Variants in LRP2BP observed in about 807,000 individuals in gnomAD.
The protein encoded by LRP2BP is LRP2 binding protein, also known as LRP2-binding protein.
In LRP2BP, 38 loss-of-function variants were observed where a neutral mutation model predicts 45.2. That is an observed-to-expected ratio of 0.84 (90% CI 0.65 to 1.10). LRP2BP has a LOEUF of 1.10. Among genes scored for constraint, LRP2BP ranks in the 50% least tolerant of loss-of-function variants. LRP2BP has a pLI of 0.00. For missense variants in LRP2BP, 385 were observed against 418.9 expected, an observed-to-expected ratio of 0.92 and a Z score of 0.71; for synonymous variants, 153 against 153.9, an observed-to-expected ratio of 0.99 and a Z score of 0.04.
chr4:185,389,129 T>G (rs1043072990), intron 1 of LRP2BP, among the ~76,000 whole-genome samples: 11 of 152,062 alleles, frequency 7.2e-5, no homozygotes, highest in Non-Finnish European at 1.5e-4. Flanking sequence ...CCACCCCACC[T>G]TGGCCTCCCA....
rs2095426671 is a variant in LRP2BP, at chr4:185,374,501, T to C, written c.331-40A>G. 10 of 1,599,298 alleles carry C rather than the reference T, an allele frequency of 6.3e-6. No homozygotes were observed. The East Asian group carries it at 2.0e-4, about 32-fold the overall frequency. On this transcript the variant is annotated intron_variant, in intron 4 of 8. Coordinates refer to ENST00000505916, the MANE Select transcript of LRP2BP (RefSeq NM_001377440.1). Reference sequence around the variant, plus strand: ...AGAGCAAAAAAACCCTAGTTTTTAGTTTTACCCAAACTGAATTTCTTTCTC... The same window carrying C: ...AGAGCAAAAAAACCCTAGTTTTTAGCTTTACCCAAACTGAATTTCTTTCTC...
intron 1 of LRP2BP, among the ~76,000 whole-genome samples, chr4:185,382,157 G>A (rs2095457665): frequency 6.6e-6 from 1 of 152,046 alleles, no homozygotes; most frequent in South Asian, 2.1e-4. Flanking sequence ...CTTTCACTTA[G>A]CATAATGTTT....
Position 185,373,029 on chromosome 4 carries a change from C to G in LRP2BP, c.630G>C (p.Gln210His), listed in dbSNP as rs777401952. 7.6e-5 allele frequency: 122 copies of G among 1,612,614 alleles called. No individual in the cohort carries two copies. Among genetic ancestry groups the G allele is most frequent in the Non-Finnish European group, 1.0e-4 (120 of 1,178,672 alleles). Reference sequence around the variant, plus strand: ...ACAAGTACATGAGCCCAAGTGCACCCTGGGACTCCAGATTCCCATTGCCAC... The same window carrying G: ...ACAAGTACATGAGCCCAAGTGCACCGTGGGACTCCAGATTCCCATTGCCAC... ...EACGNGNLES[Q>H]GALGLMYLYG... The change falls in exon 7 of 9, where the codon CAG (glutamine) becomes CAC (histidine). Residue 210 changes from glutamine (Q) to histidine (H), a missense_variant. Coordinates refer to ENST00000505916, the MANE Select transcript of LRP2BP (RefSeq NM_001377440.1).
Position 185,370,646 on chromosome 4 carries a change from A to T in LRP2BP, c.972T>A (p.Tyr324Ter), listed in dbSNP as rs767797257. 1.9e-6 allele frequency: 3 copies of T among 1,613,918 alleles called. No homozygotes were observed. The highest frequency in any genetic ancestry group is 4.5e-5 in the East Asian group (2 of 44,866). ...TRDETTAKHY[Y>*]SKACRLNPAL... ...ATTTTGTTCTAAAGCTTACTTTAGA[A>T]TAATAGTGTTTAGCGGTTGTTTCAT... Residue 324 changes from tyrosine to a stop codon, truncating the protein, a stop_gained, in exon 8 of 9, where the codon TAT becomes TAA. Coordinates refer to ENST00000505916, the MANE Select transcript of LRP2BP (RefSeq NM_001377440.1). LOFTEE classifies it high-confidence loss of function.
chr4:185,395,505 G>C lies in LRP2BP; in HGVS notation c.-748C>G, dbSNP rs1380861504. 4 of 985,048 alleles carry C rather than the reference G, an allele frequency of 4.1e-6. No homozygotes were observed. The highest frequency in any genetic ancestry group is 4.8e-6 in the Non-Finnish European group (4 of 829,714). 61.0% of individuals were successfully genotyped at this position (985,048 alleles called of 1,614,324 possible). ...TGCTCACCTCACAAATCTGACAACA[G>C]TATCTCTACACTGCCGTTCTTTAAA... On this transcript the variant is annotated 5_prime_UTR_variant, in exon 1 of 9. Coordinates refer to ENST00000505916, the MANE Select transcript of LRP2BP (RefSeq NM_001377440.1).
At chr4:185,397,222 C>T (rs769368881), upstream of LRP2BP, 6 of 1,614,150 alleles carry the variant, frequency 3.7e-6, no homozygotes, top group East Asian at 8.9e-5. Context: ...CAAGCAGTCG[C>T]CTGTCCACTT....
upstream of LRP2BP, chr4:185,397,140 C>A (rs772772775): frequency 3.7e-6 from 6 of 1,613,128 alleles, no homozygotes; most frequent in Non-Finnish European, 3.4e-6. Flanking sequence ...GATCTGTTCT[C>A]TTCCTGCAGG....
At chr4:185,395,920 AGTCTAGGGAGC>A in exon 1 of LRP2BP, 1 of 985,208 alleles carries the variant, frequency 1.0e-6, no homozygotes, top group Non-Finnish European at 1.2e-6. Context: ...GCTTAGGGAG[AGTCTAGGGAGC>A]AGCTCTGACG....
In LRP2BP at chr4:185,375,711, C is replaced by G. The variant is rs1244996917; in HGVS notation, c.232G>C (p.Ala78Pro). 1 of 1,606,344 alleles carries G rather than the reference C, an allele frequency of 6.2e-7. No homozygotes were observed. The highest frequency in any genetic ancestry group is 1.1e-5 in the South Asian group (1 of 90,702). Residue 78 changes from alanine to proline, a missense_variant, in exon 4 of 9, where the codon GCA (alanine) becomes CCA (proline). Transcript: ENST00000505916. Reference sequence around the variant, plus strand: ...TTGATTTCTTCAAACTGTTCTAATGCTTCTTCATACCATCCCTAGAAGCAC... The same window carrying G: ...TTGATTTCTTCAAACTGTTCTAATGGTTCTTCATACCATCCCTAGAAGCAC... Reference protein sequence around the residue: ...LYFEEGWYEEALEQFEEIKEK... With the variant: ...LYFEEGWYEEPLEQFEEIKEK...
chr4:185,372,488 A>G (rs1017861203), intron 7 of LRP2BP, among the ~76,000 whole-genome samples: 1 of 152,258 alleles, frequency 6.6e-6, no homozygotes, highest in Non-Finnish European at 1.5e-5. Context: ...AGGATTTGGC[A>G]TAGAACATGT....
chr4:185,387,050 A>C (rs1580008180), intron 1 of LRP2BP, among the ~76,000 whole-genome samples: 1 of 152,328 alleles, frequency 6.6e-6, no homozygotes, highest in East Asian at 1.9e-4. Context: ...GTTCGAGACC[A>C]GCCTGGCCAA....
intron 1 of LRP2BP, among the ~76,000 whole-genome samples, chr4:185,393,194 G>A (rs1182557235): frequency 6.6e-6 from 1 of 152,182 alleles, no homozygotes; most frequent in Non-Finnish European, 1.5e-5. Context: ...GCCTCCCAAA[G>A]TGTTGGGATT....
intron 1 of LRP2BP, among the ~76,000 whole-genome samples, chr4:185,387,256 G>A (rs916865055): frequency 6.6e-6 from 1 of 152,178 alleles, no homozygotes; most frequent in Non-Finnish European, 1.5e-5. Flanking sequence ...AAAAACCACC[G>A]TGTGAACTGT....
At chr4:185,370,875 C>T (rs1237013225) in intron 7 of LRP2BP, 61 bp from the exon 8 acceptor site, 21 of 1,553,204 alleles carry the variant, frequency 1.4e-5, no homozygotes, top group Middle Eastern at 1.7e-4. Flanking sequence ...GTTTGTAAAA[C>T]GATGCGCCTA....
chr4:185,367,339 A>G (rs1358496949), intron 8 of LRP2BP, 94 bp from the exon 9 acceptor site: 1 of 1,114,716 alleles, frequency 9.0e-7, no homozygotes, highest in African/African-American at 1.6e-5. Context: ...ATTTTTAAGA[A>G]TAGTAAAGTA....
rs578116886 is a variant in LRP2BP at position 185,378,068 on chromosome 4, T to C, written c.106+13A>G. 3.2e-5 allele frequency: 51 copies of C among 1,597,516 alleles called. No individual in the cohort carries two copies. The South Asian group carries it at 4.8e-4, about 15-fold the overall frequency. On this transcript the variant is annotated intron_variant, in intron 2 of 8. Transcript: ENST00000505916. Reference sequence around the variant, plus strand: ...GTGTTTTCCAAGGGAAGCTTAAATATCAGGATTTGTACCAGTCTTTTCCTT... The same window carrying C: ...GTGTTTTCCAAGGGAAGCTTAAATACCAGGATTTGTACCAGTCTTTTCCTT...
Position 185,367,316 on chromosome 4 carries a change from T to C in LRP2BP, c.979-71A>G, listed in dbSNP as rs1371545478. 3.8e-6 allele frequency: 5 copies of C among 1,305,520 alleles called. No homozygotes were observed. In the East Asian group the frequency reaches 7.1e-5, roughly 18 times the overall value. 80.9% of individuals were successfully genotyped at this position (1,305,520 alleles called of 1,614,324 possible). On this transcript the variant is annotated intron_variant, in intron 8 of 8. Coordinates refer to ENST00000505916, the MANE Select transcript of LRP2BP (RefSeq NM_001377440.1). ...TGGGTCTTTCTTCTTTTTTTTTTTTTCTTTTTTGATTCATTTTTAAGAATA... is the reference window on the plus strand; with the variant it reads ...TGGGTCTTTCTTCTTTTTTTTTTTTCCTTTTTTGATTCATTTTTAAGAATA...
intron 1 of LRP2BP, among the ~76,000 whole-genome samples, chr4:185,393,119 G>A (rs539625396): frequency 4.0e-5 from 6 of 151,876 alleles, no homozygotes; most frequent in African/African-American, 1.4e-4. Context: ...TTTTAGTAGA[G>A]ACGGTTCCGC....
chr4:185,379,696 G>A (rs1463529387), intron 1 of LRP2BP, among the ~76,000 whole-genome samples: 1 of 152,158 alleles, frequency 6.6e-6, no homozygotes, highest in Admixed American at 6.5e-5. Context: ...TATGAGGCTC[G>A]TTTAACGTAT....
Sources: allele counts gnomAD v4.1 joint callset (sites outside exome capture counted in the v4.1 genomes callset), GRCh38; gene constraint gnomAD v4.1.1; transcripts MANE v1.5; gene names NCBI Gene and HGNC (gene_info 2026-07-23, HGNC 2026-07-21).